KNDC1: variants seen among roughly 807,000 people sequenced by gnomAD.
KNDC1 encodes the protein kinase non-catalytic C-lobe domain containing 1, also known as kinase non-catalytic C-lobe domain-containing protein 1.
A neutral mutation model predicts 172.8 loss-of-function variants in KNDC1; 106 were observed. That is an observed-to-expected ratio of 0.61 (90% confidence interval 0.52 to 0.72). KNDC1 has a LOEUF of 0.72. KNDC1 is among the 30% of genes least tolerant of loss of function. The probability of loss-of-function intolerance (pLI) is 0.00; values close to 1 mark genes in which losing one functional copy is unlikely to be tolerated. For synonymous variants in KNDC1, 1,083 were observed against 1,062.2 expected (o/e 1.02, Z -0.38); for missense variants, 2,325 against 2,394.5 (o/e 0.97, Z 0.61).
chr10:133,184,225 ACACACACCCATGCG>A (rs1170232184), intron 5 of KNDC1, among the ~76,000 whole-genome samples: 1 of 59,778 alleles, frequency 1.7e-5, no homozygotes, highest in East Asian at 9.7e-4. Context: ...ACACCCATGC[ACACACACCCATGCG>A]CACACACTGC....
At chr10:133,205,008 C>CCACCACCTTCCTCACCCCCAGAAT (rs1554918834) in intron 17 of KNDC1, among the ~76,000 whole-genome samples, 11 of 144,596 alleles carry the variant, frequency 7.6e-5, no homozygotes, top group Non-Finnish European at 1.5e-4. Context: ...CACCCCAGAA[C>CCACCACCTTCCTCACCCCCAGAAT]CACCACCCTC....
rs745379576 is a variant in KNDC1 at position 133,206,725 on chromosome 10, G to A, written c.3428G>A (p.Arg1143His). The A allele has an allele frequency of 2.3e-5, 37 of 1,613,944 alleles. No individual in the cohort carries two copies. The highest frequency in any genetic ancestry group is 3.3e-4 in the Middle Eastern group (2 of 6,084). ...QQLMMEKRNY[R>H]KTLKFYQKLL... ...CTCATGATGGAGAAAAGAAACTACC[G>A]CAAGACCCTGAAGTTCTACCAGAAA... Residue 1143 changes from arginine (R) to histidine (H), a missense_variant, in exon 18 of 30, where the codon CGC (arginine) becomes CAC (histidine). Physicochemically the swap from Arg to His is conservative, Grantham distance 29. Coordinates refer to ENST00000304613, the MANE Select transcript of KNDC1 (RefSeq NM_152643.8).
In KNDC1 at chr10:133,224,652, A is replaced by G. The variant is rs1180266805; in HGVS notation, c.5019-7A>G. The stretch of plus-strand genomic sequence containing the variant: ...CAAACTAACGTCTCTTCTTTCCTCA[A>G]CGGAAGGAACATCGCAAAGGTGGTG... On this transcript the variant is annotated splice_region_variant and splice_polypyrimidine_tract_variant and intron_variant, in intron 29 of 29. Transcript: ENST00000304613. This position sits in a 1 kb window ranked among gnomAD's most constrained non-coding sequence, Gnocchi z 5.4. 6.2e-7 allele frequency: 1 copy of G among 1,611,834 alleles called. No homozygotes were observed. The highest frequency in any genetic ancestry group is 8.5e-7 in the Non-Finnish European group (1 of 1,178,116).
intron 5 of KNDC1, among the ~76,000 whole-genome samples, chr10:133,184,378 C>T (rs1447344349): frequency 1.3e-5 from 2 of 150,576 alleles, no homozygotes; most frequent in Admixed American, 1.3e-4. Context: ...TGCACACACA[C>T]ATGCTGCGCA....
In KNDC1 at chr10:133,225,144, A is replaced by C; in HGVS notation, c.*254A>C. On this transcript the variant is annotated 3_prime_UTR_variant, in exon 30 of 30. Coordinates refer to ENST00000304613, the MANE Select transcript of KNDC1 (RefSeq NM_152643.8). ...GTGTTTCTGCTAGAATTAAAAAGTT[A>C]AATTTAAAAATGAAAATGAAAGACA... 3 of 482,278 alleles carry C rather than the reference A, an allele frequency of 6.2e-6. No individual in the cohort carries two copies. Among genetic ancestry groups the C allele is most frequent in the Admixed American group, 3.6e-5 (1 of 27,574 alleles). The allele number at this position is 482,278 out of a possible 1,614,324, so 29.9% of individuals were successfully genotyped here.
intron 12 of KNDC1, 119 bp downstream of exon 12, chr10:133,197,887 C>T (rs1385455318): frequency 1.2e-6 from 1 of 842,708 alleles, no homozygotes; most frequent in African/African-American, 1.7e-5. Flanking sequence ...GAAGCAAGTC[C>T]AGAGCTCGGC....
chr10:133,216,793 GAGA>G (rs1403339641), intron 26 of KNDC1, among the ~76,000 whole-genome samples: 1 of 152,244 alleles, frequency 6.6e-6, no homozygotes, highest in Non-Finnish European at 1.5e-5. Context: ...TGTCCACGGA[GAGA>G]AGAACAGATA....
chr10:133,221,527 A>G (rs953193566), intron 29 of KNDC1, among the ~76,000 whole-genome samples: 9 of 151,988 alleles, frequency 5.9e-5, no homozygotes, highest in Admixed American at 6.6e-5. Flanking sequence ...CTCCCGTCTC[A>G]TCTCATCGCC....
At chr10:133,200,944 A>C (rs900141603) in intron 16 of KNDC1, among the ~76,000 whole-genome samples, 2 of 152,140 alleles carry the variant, frequency 1.3e-5, no homozygotes, top group African/African-American at 4.8e-5. Flanking sequence ...GCTTGGTGTT[A>C]GGGACAAGGT....
chr10:133,198,411 G>C lies in KNDC1; in HGVS notation c.1981G>C (p.Glu661Gln), dbSNP rs1410660480. Residue 661 changes from glutamate to glutamine, a missense_variant, in exon 13 of 30, where the codon GAA (glutamate) becomes CAA (glutamine). Transcript: ENST00000304613. Reference sequence around the variant, plus strand: ...CGTGCCCGGCCAGCACCCCTGCGGTGAAGAAGCCACCCAGCTGCCTGCAGC... The same window carrying C: ...CGTGCCCGGCCAGCACCCCTGCGGTCAAGAAGCCACCCAGCTGCCTGCAGC... ...GPVPGQHPCG[E>Q]EATQLPAAFT... 3.1e-6 allele frequency: 5 copies of C among 1,602,034 alleles called. No homozygotes were observed. The South Asian group carries it at 5.6e-5, about 18-fold the overall frequency.
At position 133,167,394 on chromosome 10, in the gene KNDC1, T is replaced by G; in HGVS notation, c.116T>G (p.Leu39Arg). 6.3e-7 allele frequency: 1 copy of G among 1,589,334 alleles called. No individual in the cohort carries two copies. Among genetic ancestry groups the G allele is most frequent in the Non-Finnish European group, 8.5e-7 (1 of 1,169,774 alleles). The change falls in exon 2 of 30, where the codon CTG becomes CGG. Residue 39 changes from leucine to arginine, a missense_variant. By Grantham distance (102) the Leu-to-Arg change is moderately radical. Coordinates refer to ENST00000304613, the MANE Select transcript of KNDC1 (RefSeq NM_152643.8). ...TLPEDEENVS[L>R]ADILSLRDRG... Reference sequence around the variant, plus strand: ...CGGTCTTGGCAGGAGAACGTGTCTCTGGCTGACATCCTCTCCCTGCGGGAC... The same window carrying G: ...CGGTCTTGGCAGGAGAACGTGTCTCGGGCTGACATCCTCTCCCTGCGGGAC...
intron 3 of KNDC1, among the ~76,000 whole-genome samples, chr10:133,178,200 C>T (rs978135514): frequency 1.4e-4 from 21 of 146,800 alleles, no homozygotes; most frequent in South Asian, 4.5e-4. Flanking sequence ...TGCAGTGTGG[C>T]ATGTGTATGT....
At chr10:133,167,260 C>T (rs1853194361) in intron 1 of KNDC1, 121 bp from the exon 2 acceptor site, 3 of 915,044 alleles carry the variant, frequency 3.3e-6, no homozygotes, top group African/African-American at 3.3e-5. Flanking sequence ...AGCCCTTTCC[C>T]TGACCCACGC....
chr10:133,181,818 G>T lies in KNDC1; in HGVS notation c.361-1526G>T, dbSNP rs1171749102. 3.4e-5 allele frequency among the ~76,000 whole-genome samples: 4 copies of T among 118,322 alleles called. No homozygotes were observed. The East Asian group carries it at 8.7e-4, about 26-fold the overall frequency. 77.6% of individuals were successfully genotyped at this position (118,322 alleles called of 152,430 possible). On this transcript the variant is annotated intron_variant, in intron 3 of 29. Transcript: ENST00000304613. Reference sequence around the variant, plus strand: ...GCATGTGTGCCCGTGTCCAGACCAGGAAGCCCCAGGACCGTCCACACACAC... The same window carrying T: ...GCATGTGTGCCCGTGTCCAGACCAGTAAGCCCCAGGACCGTCCACACACAC...
chr10:133,193,415 C>A (rs1314889970), intron 9 of KNDC1, among the ~76,000 whole-genome samples: 2 of 152,072 alleles, frequency 1.3e-5, no homozygotes, highest in African/African-American at 4.8e-5. Flanking sequence ...ATCCCAGCTA[C>A]TTGGGAGGCT....
chr10:133,199,263 A>G lies in KNDC1; in HGVS notation c.2755A>G (p.Met919Val), dbSNP rs1854295807. ...YLDNGLEALI[M>V]GEYIFALKDL... is the part of the protein sequence containing the mutation. Reference sequence around the variant, plus strand: ...GGACAATGGGCTGGAGGCTCTGATCATGGGTACGTGGGGGCCGCAGACGCC... The same window carrying G: ...GGACAATGGGCTGGAGGCTCTGATCGTGGGTACGTGGGGGCCGCAGACGCC... The change falls in exon 14 of 30, where the codon ATG (methionine) becomes GTG (valine). Residue 919 changes from methionine to valine, a missense_variant. By Grantham distance (21) the Met-to-Val change is conservative. Transcript: ENST00000304613. The G allele has an allele frequency of 6.4e-6, 10 of 1,556,250 alleles. No homozygotes were observed. The highest frequency in any genetic ancestry group is 7.8e-6 in the Non-Finnish European group (9 of 1,148,258).
chr10:133,213,941 G>A (rs749470870), intron 25 of KNDC1, 31 bp from the exon 26 acceptor site: 2 of 1,613,426 alleles, frequency 1.2e-6, no homozygotes, highest in Non-Finnish European at 1.7e-6. Context: ...CACAAGTCCT[G>A]GGGGTGACAG....
At chr10:133,195,058 G>A (rs903369585) in intron 9 of KNDC1, among the ~76,000 whole-genome samples, 3 of 152,258 alleles carry the variant, frequency 2.0e-5, no homozygotes, top group Non-Finnish European at 4.4e-5. Context: ...GTGTATTGTG[G>A]TGGACTGTGG....
Position 133,183,934 on chromosome 10 carries a change from C to T in KNDC1, c.570C>T (p.Ser190=). 1 of 1,604,292 alleles carries T rather than the reference C, an allele frequency of 6.2e-7. No individual in the cohort carries two copies. Among genetic ancestry groups the T allele is most frequent in the Non-Finnish European group, 8.5e-7 (1 of 1,172,728 alleles). The change falls in exon 5 of 30, where the codon AGC becomes AGT. Residue 190 remains serine (S), a synonymous_variant. Coordinates refer to ENST00000304613, the MANE Select transcript of KNDC1 (RefSeq NM_152643.8). The part of the protein sequence containing the change: ...QLTSSCRVCR[S]LSAVGRRVLS... ...CATCCTCCTGTCGCGTGTGCCGGAGCCTCTCTGCTGTGGGGAGGAGGGTCC... is the reference window on the plus strand; with the variant it reads ...CATCCTCCTGTCGCGTGTGCCGGAGTCTCTCTGCTGTGGGGAGGAGGGTCC...
Sources: gnomAD v4.1 joint callset for allele counts (sites outside exome capture counted in the v4.1 genomes callset) on GRCh38, gnomAD v4.1.1 for gene constraint, Gnocchi (gnomAD v3.1) non-coding constraint, MANE v1.5 for transcripts, NCBI Gene and HGNC (gene_info 2026-07-23, HGNC 2026-07-21) for gene names.